The following SLC9A3 variants were observed in gnomAD, a reference collection of about 807,000 sequenced individuals.
SLC9A3 encodes the protein sodium/hydrogen exchanger 3.
A neutral mutation model predicts 86.8 loss-of-function variants in SLC9A3; 37 were observed. The observed-to-expected ratio is 0.43, with a 90% CI of 0.33 to 0.56. The LOEUF (loss-of-function observed/expected upper bound fraction) is 0.56, where lower values mean the gene tolerates loss of function less well. Ranked by LOEUF, SLC9A3 falls within the 20% of genes least tolerant of loss-of-function variation. SLC9A3 has a pLI of 0.06. For synonymous variants in SLC9A3, 581 were observed against 528.3 expected, an observed-to-expected ratio of 1.10 and a Z score of -1.37; for missense variants, 1,011 against 1,171.9, an observed-to-expected ratio of 0.86 and a Z score of 2.00.
chr5:485,382 A>T, intron 3 of SLC9A3, 151 bp from the exon 4 acceptor site: 1 of 691,490 alleles, frequency 1.4e-6, no homozygotes, highest in Non-Finnish European at 2.6e-6. Flanking sequence ...TGGCCCCCAA[A>T]GGGGAGAAGC....
At chr5:511,220 C>G (rs1179881446) in intron 1 of SLC9A3, among the ~76,000 whole-genome samples, 7 of 152,148 alleles carry the variant, frequency 4.6e-5, no homozygotes, top group Non-Finnish European at 8.8e-5. Flanking sequence ...ATGTAAAAGA[C>G]AGAACTATAA....
Position 473,287 on chromosome 5 carries a change from G to T in SLC9A3, c.*92C>A, listed in dbSNP as rs528290212. 3 of 1,269,518 alleles carry T rather than the reference G, an allele frequency of 2.4e-6. No individual in the cohort carries two copies. Among genetic ancestry groups the T allele is most frequent in the Admixed American group, 3.8e-5 (1 of 26,290 alleles). The allele number at this position is 1,269,518 out of a possible 1,614,324, so 78.6% of individuals were successfully genotyped here. On this transcript the variant is annotated 3_prime_UTR_variant, in exon 17 of 17. Transcript: ENST00000264938. ...GCTCGCGGTCGCTGTAGCCGCGCGG[G>T]GATCTGGGGTTTCTCTGGGACAGCG... is the stretch of plus-strand genomic sequence containing the variant.
At position 472,788 on chromosome 5, in the gene SLC9A3, G is replaced by A. The variant is rs1579755378; in HGVS notation, c.*591C>T. On this transcript the variant is annotated 3_prime_UTR_variant, in exon 17 of 17. Transcript: ENST00000264938. Reference sequence around the variant, plus strand: ...TCGGGCCCTGAGTCCTGGCGCTCGGGAGGTCCCTGAGTCGGTCCCCGAGTC... The same window carrying A: ...TCGGGCCCTGAGTCCTGGCGCTCGGAAGGTCCCTGAGTCGGTCCCCGAGTC... 1.7e-6 allele frequency: 1 copy of A among 581,946 alleles called. No individual in the cohort carries two copies. The highest frequency in any genetic ancestry group is 3.7e-5 in the East Asian group (1 of 27,014). 36.0% of individuals were successfully genotyped at this position (581,946 alleles called of 1,614,324 possible).
chr5:479,952 C>A lies in SLC9A3; in HGVS notation c.1531G>T (p.Asp511Tyr). ...AGGACCCTGCTGAGGAACTTCCTGT[C>A]GAAGTGGGACCACCTGTAGGGACAG... ...NYLRDKWSHFDRKFLSRVLMR... is the reference protein window; with the variant it reads ...NYLRDKWSHFYRKFLSRVLMR... Residue 511 changes from aspartate to tyrosine, a missense_variant, in exon 10 of 17, where the codon GAC becomes TAC. Physicochemically the swap from Asp to Tyr is radical, Grantham distance 160. Coordinates refer to ENST00000264938, the MANE Select transcript of SLC9A3 (RefSeq NM_004174.4). 6.2e-7 allele frequency: 1 copy of A among 1,613,758 alleles called. No homozygotes were observed. Among genetic ancestry groups the A allele is most frequent in the South Asian group, 1.1e-5 (1 of 91,056 alleles).
chr5:508,846 C>T (rs1373089534), intron 1 of SLC9A3, among the ~76,000 whole-genome samples: 1 of 152,224 alleles, frequency 6.6e-6, no homozygotes, highest in Non-Finnish European at 1.5e-5. Flanking sequence ...TGGTGGCTCA[C>T]ACCTGTGATC....
chr5:475,499 T>C (rs1738663757), intron 15 of SLC9A3, 62 bp downstream of exon 15: 2 of 979,988 alleles, frequency 2.0e-6, no homozygotes, highest in Non-Finnish European at 1.6e-6. Context: ...ATGACCGAGC[T>C]CCCTCCTGGG....
In SLC9A3 at chr5:476,031, A is replaced by C; in HGVS notation, c.2129T>G (p.Ile710Ser). The change falls in exon 14 of 17, where the codon ATC becomes AGC. Residue 710 changes from isoleucine (I) to serine (S), a missense_variant. By Grantham distance (142) the Ile-to-Ser change is moderately radical. Coordinates refer to ENST00000264938, the MANE Select transcript of SLC9A3 (RefSeq NM_004174.4). ...GGCCCCCAGCGCACCTTTCTCCTTG[A>C]TGGTGAAATTCTGCGCAGGGCTCTC... ...PMESPAQNFT[I>S]KEKDLELSDT... 6.2e-7 allele frequency: 1 copy of C among 1,612,262 alleles called. No homozygotes were observed. Among genetic ancestry groups the C allele is most frequent in the Non-Finnish European group, 8.5e-7 (1 of 1,179,388 alleles).
chr5:519,529 G>C (rs1183478551), intron 1 of SLC9A3, among the ~76,000 whole-genome samples: 1 of 152,218 alleles, frequency 6.6e-6, no homozygotes, highest in African/African-American at 2.4e-5. Context: ...GAAATCCACA[G>C]CTTAGGCAGG....
intron 6 of SLC9A3, 53 bp from the exon 7 acceptor site, chr5:482,803 G>T (rs1229277510): frequency 1.4e-6 from 2 of 1,433,262 alleles, no homozygotes; most frequent in Admixed American, 4.0e-5. Flanking sequence ...CCAGCCGCGG[G>T]ACCCCAGCCC....
At chr5:492,322 C>T (rs1486263923) in intron 1 of SLC9A3, among the ~76,000 whole-genome samples, 1 of 84,986 alleles carries the variant, frequency 1.2e-5, no homozygotes, top group Non-Finnish European at 2.3e-5. Flanking sequence ...AGGGTGGGGC[C>T]TTGGGAGAGG....
intron 3 of SLC9A3, among the ~76,000 whole-genome samples, chr5:487,536 G>A (rs56387905): frequency 0.036 from 243 of 6,714 alleles, 42 homozygotes; most frequent in Non-Finnish European, 0.21. Flanking sequence ...GACACCCACC[G>A]CACTGACACC....
At chr5:512,865 C>A (rs1733599184) in intron 1 of SLC9A3, among the ~76,000 whole-genome samples, 1 of 152,122 alleles carries the variant, frequency 6.6e-6, no homozygotes, top group Non-Finnish European at 1.5e-5. Context: ...CGTGCAGAGG[C>A]CCAGCAGCCA....
intron 16 of SLC9A3, 161 bp from the exon 17 acceptor site, chr5:473,543 G>A (rs1560946367): frequency 1.2e-5 from 6 of 503,312 alleles, no homozygotes; most frequent in Non-Finnish European, 1.8e-5. Flanking sequence ...CCAGGACCCG[G>A]GTTCGCGGGG....
At chr5:475,923 G>T (rs1426044853) in intron 14 of SLC9A3, 97 bp downstream of exon 14, 1 of 1,101,678 alleles carries the variant, frequency 9.1e-7, no homozygotes, top group African/African-American at 1.6e-5. Context: ...GTCCCCAGAG[G>T]GGAAGGTCCT....
At chr5:498,694 G>A (rs1740137158) in intron 1 of SLC9A3, among the ~76,000 whole-genome samples, 1 of 152,208 alleles carries the variant, frequency 6.6e-6, no homozygotes, top group African/African-American at 2.4e-5. Context: ...GAGCCACCGT[G>A]CCTGGCCAAC....
chr5:493,231 C>T (rs1481683640), intron 1 of SLC9A3, among the ~76,000 whole-genome samples: 3 of 152,198 alleles, frequency 2.0e-5, no homozygotes, highest in African/African-American at 7.2e-5. Context: ...TAATGAGCTT[C>T]TTCATTCCCT....
chr5:513,215 A>G (rs1426651087), intron 1 of SLC9A3, among the ~76,000 whole-genome samples: 1 of 152,112 alleles, frequency 6.6e-6, no homozygotes, highest in African/African-American at 2.4e-5. Flanking sequence ...CTTTTGGAAC[A>G]TGATAGTGGC....
chr5:521,668 G>C (rs192882900), intron 1 of SLC9A3, among the ~76,000 whole-genome samples: 12 of 152,314 alleles, frequency 7.9e-5, no homozygotes, highest in Admixed American at 7.2e-4. Context: ...ACCCCAGTCC[G>C]GGGGCTGTGG....
chr5:502,302 C>T (rs557785328), intron 1 of SLC9A3, among the ~76,000 whole-genome samples: 2 of 152,334 alleles, frequency 1.3e-5, no homozygotes, highest in South Asian at 2.1e-4. Context: ...AGAGACGGCC[C>T]AGGCCCCCTT....
Sources: allele counts gnomAD v4.1 joint callset (sites outside exome capture counted in the v4.1 genomes callset), GRCh38; gene constraint gnomAD v4.1.1; transcripts MANE v1.5; gene names NCBI Gene and HGNC (gene_info 2026-07-23, HGNC 2026-07-21).